RELN: variants seen among roughly 807,000 people sequenced by gnomAD.
RELN encodes reelin.
RELN carries 108 observed loss-of-function variants against 427.6 expected under a neutral mutation model. The observed-to-expected ratio is 0.25, with a 90% CI of 0.22 to 0.30. RELN has a LOEUF of 0.30. Among genes scored for constraint, RELN ranks in the 10% least tolerant of loss-of-function variants. The pLI, the probability that RELN is intolerant of heterozygous loss-of-function variation, is 1.00. For missense variants in RELN, 3,715 were observed against 4,302.8 expected (o/e 0.86, Z 3.82); for synonymous variants, 1,524 against 1,513.4 (o/e 1.01, Z -0.16).
At chr7:103,623,546 C>G (rs1832264825) in intron 20 of RELN, among the ~76,000 whole-genome samples, 1 of 152,178 alleles carries the variant, frequency 6.6e-6, no homozygotes, top group African/African-American at 2.4e-5. Context: ...TAATCTGACT[C>G]CTCCTTTGCT....
chr7:103,659,012 C>T (rs949363332), intron 12 of RELN, among the ~76,000 whole-genome samples: 1 of 151,646 alleles, frequency 6.6e-6, no homozygotes, highest in Non-Finnish European at 1.5e-5. Context: ...TTGTCTTATG[C>T]TACCTTCTGC....
chr7:103,651,388 A>G (rs1451734753), intron 15 of RELN, among the ~76,000 whole-genome samples: 1 of 152,098 alleles, frequency 6.6e-6, no homozygotes, highest in African/African-American at 2.4e-5. Context: ...CGTGGCAATA[A>G]CCACAGAACT....
chr7:103,798,362 T>G (rs917236308), intron 3 of RELN, among the ~76,000 whole-genome samples: 2 of 152,168 alleles, frequency 1.3e-5, no homozygotes, highest in Non-Finnish European at 2.9e-5. Context: ...TCTCTAAGCC[T>G]CCATTTATTT....
intron 1 of RELN, among the ~76,000 whole-genome samples, chr7:103,980,693 T>A (rs1356115438): frequency 6.6e-6 from 1 of 152,208 alleles, no homozygotes; most frequent in East Asian, 1.9e-4. Flanking sequence ...GAAAATTACA[T>A]GAATTAATAT....
intron 63 of RELN, 139 bp downstream of exon 63, chr7:103,482,734 G>A: frequency 6.5e-7 from 1 of 1,532,388 alleles, no homozygotes; most frequent in African/African-American, 1.4e-5. Context: ...GCTTGCAGTT[G>A]CAAAAGAGTG....
At chr7:103,490,628 C>G in intron 59 of RELN, 40 bp downstream of exon 59, 1 of 1,605,120 alleles carries the variant, frequency 6.2e-7, no homozygotes, top group South Asian at 1.1e-5. Flanking sequence ...TGTAGAGAGG[C>G]CAGATAATTT....
chr7:103,716,900 G>C (rs572773281), intron 8 of RELN, among the ~76,000 whole-genome samples: 6 of 152,132 alleles, frequency 3.9e-5, no homozygotes, highest in Middle Eastern at 3.2e-3. Flanking sequence ...TGGTGTTTGA[G>C]AGACCATTTG....
At chr7:103,675,116 AT>A (rs1256589887) in intron 11 of RELN, among the ~76,000 whole-genome samples, 3 of 152,234 alleles carry the variant, frequency 2.0e-5, no homozygotes, top group Non-Finnish European at 2.9e-5. Flanking sequence ...TGCAGATGAC[AT>A]GATTGTATAT....
intron 19 of RELN, among the ~76,000 whole-genome samples, chr7:103,634,570 T>C (rs17153873): frequency 0.04 from 6,142 of 152,228 alleles, 172 homozygotes; most frequent in East Asian, 0.14. Context: ...GAAATCTATA[T>C]ACTAAAGAAA....
intron 59 of RELN, 28 bp from the exon 60 acceptor site, chr7:103,489,927 A>C: frequency 6.2e-7 from 1 of 1,613,548 alleles, no homozygotes; most frequent in Non-Finnish European, 8.5e-7. Flanking sequence ...AGCAGAAGGG[A>C]TTCAGTAGGT....
intron 2 of RELN, among the ~76,000 whole-genome samples, chr7:103,889,227 T>C (rs1794791508): frequency 6.6e-6 from 1 of 152,208 alleles, no homozygotes; most frequent in Non-Finnish European, 1.5e-5. Context: ...GCAATGTAAG[T>C]AAAACACTCT....
At chr7:103,743,676 A>G (rs1487088008) in intron 6 of RELN, among the ~76,000 whole-genome samples, 1 of 152,232 alleles carries the variant, frequency 6.6e-6, no homozygotes, top group Non-Finnish European at 1.5e-5. Context: ...AGGACGTTAC[A>G]TAATGGTAAA....
chr7:103,616,307 A>C (rs1832077574), intron 20 of RELN, among the ~76,000 whole-genome samples: 1 of 152,202 alleles, frequency 6.6e-6, no homozygotes, highest in Non-Finnish European at 1.5e-5. Flanking sequence ...CATCTGAAGA[A>C]GAAGAGGTGA....
intron 1 of RELN, among the ~76,000 whole-genome samples, chr7:103,942,404 G>T (rs1445898721): frequency 6.6e-6 from 1 of 152,152 alleles, no homozygotes; most frequent in Non-Finnish European, 1.5e-5. Flanking sequence ...GTCTTTCGGT[G>T]TCTGGCTTAT....
intron 8 of RELN, among the ~76,000 whole-genome samples, chr7:103,713,567 A>G (rs537708971): frequency 1.1e-4 from 16 of 152,012 alleles, no homozygotes; most frequent in Non-Finnish European, 1.5e-4. Flanking sequence ...AGGAGCATTC[A>G]AGAAACAGGC....
intron 2 of RELN, among the ~76,000 whole-genome samples, chr7:103,872,758 C>A (rs1175488501): frequency 6.0e-5 from 9 of 149,108 alleles, no homozygotes; most frequent in African/African-American, 1.7e-4. Flanking sequence ...TTGCCATTCT[C>A]ACTGGTGTGA....
intron 17 of RELN, among the ~76,000 whole-genome samples, chr7:103,637,459 G>C (rs921231450): frequency 6.6e-6 from 1 of 152,138 alleles, no homozygotes; most frequent in Non-Finnish European, 1.5e-5. Flanking sequence ...TTGGGTCTAT[G>C]CTGGCCTTTC....
At chr7:103,967,574 T>G (rs1006072285) in intron 1 of RELN, among the ~76,000 whole-genome samples, 5 of 152,130 alleles carry the variant, frequency 3.3e-5, no homozygotes, top group African/African-American at 1.2e-4. Flanking sequence ...CTGATAAATG[T>G]TCAGTGGCTC....
chr7:103,898,466 A>G (rs1795010583), intron 2 of RELN, among the ~76,000 whole-genome samples: 1 of 152,050 alleles, frequency 6.6e-6, no homozygotes, highest in African/African-American at 2.4e-5. Context: ...AAGATTCACA[A>G]AAGCAAAATA....
Sources: allele counts gnomAD v4.1 joint callset (sites outside exome capture counted in the v4.1 genomes callset), GRCh38; gene constraint gnomAD v4.1.1; transcripts MANE v1.5; gene names NCBI Gene and HGNC (gene_info 2026-07-23, HGNC 2026-07-21).